TXLNB: variants seen among roughly 807,000 people sequenced by gnomAD.
TXLNB encodes the protein taxilin beta.
In TXLNB, 37 loss-of-function variants were observed where a neutral mutation model predicts 57.4. The ratio of observed to expected loss-of-function variants is 0.64; its 90% CI spans 0.50 to 0.85. The LOEUF is 0.85. TXLNB is among the 40% of genes least tolerant of loss of function. The pLI is 0.00. For synonymous variants in TXLNB, 302 were observed against 309.6 expected (o/e 0.98, Z 0.26); for missense variants, 848 against 825.6 (o/e 1.03, Z -0.33).
At chr6:139,306,206 A>G in the TXLNB span, among the ~76,000 whole-genome samples, 1 of 152,220 alleles carries the variant, frequency 6.6e-6, no homozygotes, top group African/African-American at 2.4e-5. Flanking sequence ...GGTTTCCATC[A>G]GTGTCTCCTT....
intron 3 of TXLNB, 117 bp downstream of exon 3, chr6:139,276,713 C>G (rs1289043807): frequency 1.3e-6 from 1 of 755,470 alleles, no homozygotes; most frequent in African/African-American, 1.8e-5. Flanking sequence ...GCGCACAGAC[C>G]TCAGATGTTG....
At chr6:139,201,689 G>A in the TXLNB span, 6 of 152,182 alleles carry the variant, frequency 3.9e-5, no homozygotes, top group Admixed American at 3.3e-4. Context: ...TTCCGCTGCT[G>A]TATCAGAGAT....
the TXLNB span, among the ~76,000 whole-genome samples, chr6:139,164,371 G>T: frequency 4.6e-5 from 7 of 152,158 alleles, no homozygotes; most frequent in South Asian, 1.5e-3. Context: ...ATGAACATTG[G>T]GGGTATCATG....
At position 139,260,320 on chromosome 6, in the gene TXLNB, A is replaced by G. The variant is rs905409047; in HGVS notation, c.1000T>C (p.Tyr334His). ...ACAACGACTAAAATGATAAATACAT[A>G]TTCCTTTTCTCGTTTGTGTCGCTCC... ...AEERHKREKE[Y>H]LLNQAAEWKL... Residue 334 changes from tyrosine (Y) to histidine (H), a missense_variant and splice_region_variant, in exon 6 of 10, where the codon TAT becomes CAT. Physicochemically the swap from Tyr to His is moderately conservative, Grantham distance 83 (BLOSUM62 2). Coordinates refer to ENST00000358430, the MANE Select transcript of TXLNB (RefSeq NM_153235.4). 1 of 1,614,136 alleles carries G rather than the reference A, an allele frequency of 6.2e-7. No individual in the cohort carries two copies. The highest frequency in any genetic ancestry group is 1.3e-5 in the African/African-American group (1 of 75,040).
the TXLNB span, among the ~76,000 whole-genome samples, chr6:139,163,905 A>G: frequency 6.6e-6 from 1 of 151,770 alleles, no homozygotes; most frequent in Admixed American, 6.6e-5. Context: ...AGCTCTCTTG[A>G]GCTCCAGTCA....
the TXLNB span, among the ~76,000 whole-genome samples, chr6:139,312,714 A>G: frequency 1.3e-5 from 2 of 152,170 alleles, no homozygotes; most frequent in African/African-American, 2.4e-5. Context: ...ATTATATAGC[A>G]TACGCAGGAG....
the TXLNB span, among the ~76,000 whole-genome samples, chr6:139,320,957 C>G: frequency 1.3e-5 from 2 of 152,196 alleles, no homozygotes; most frequent in Non-Finnish European, 2.9e-5. Context: ...AAGATGAAAG[C>G]CATGGGCTTG....
the TXLNB span, among the ~76,000 whole-genome samples, chr6:139,167,842 G>A: frequency 6.6e-6 from 1 of 152,192 alleles, no homozygotes; most frequent in African/African-American, 2.4e-5. Flanking sequence ...CCCGGTGGTG[G>A]TGGTGGAAGG....
the TXLNB span, among the ~76,000 whole-genome samples, chr6:139,184,769 A>G: frequency 3.3e-5 from 5 of 152,114 alleles, no homozygotes; most frequent in African/African-American, 4.8e-5. Context: ...TTAATTTTCA[A>G]TTTCTCACAA....
the TXLNB span, among the ~76,000 whole-genome samples, chr6:139,164,765 C>T: frequency 6.6e-6 from 1 of 152,080 alleles, no homozygotes; most frequent in African/African-American, 2.4e-5. Context: ...GTCATCCCAG[C>T]CTGTAAGCCA....
chr6:139,229,816 T>C, the TXLNB span, among the ~76,000 whole-genome samples: 1 of 152,244 alleles, frequency 6.6e-6, no homozygotes, highest in Non-Finnish European at 1.5e-5. Flanking sequence ...AAAAGCAGAC[T>C]GGCTTGTGGT....
chr6:139,208,513 C>A, the TXLNB span, among the ~76,000 whole-genome samples: 2 of 152,152 alleles, frequency 1.3e-5, no homozygotes, highest in Non-Finnish European at 1.5e-5. Context: ...AGACCAATAT[C>A]TGTGATGAAC....
At chr6:139,167,616 G>T in the TXLNB span, among the ~76,000 whole-genome samples, 1 of 152,298 alleles carries the variant, frequency 6.6e-6, no homozygotes, top group East Asian at 1.9e-4. Context: ...TAGTGGAGTT[G>T]TTGCATATTT....
the TXLNB span, among the ~76,000 whole-genome samples, chr6:139,233,203 T>C: frequency 6.6e-6 from 1 of 151,782 alleles, no homozygotes. Context: ...AAAAACACAT[T>C]CAAATAATTT....
At chr6:139,193,434 G>T in the TXLNB span, among the ~76,000 whole-genome samples, 3 of 151,730 alleles carry the variant, frequency 2.0e-5, no homozygotes, top group Non-Finnish European at 2.9e-5. Context: ...CTTGCTCATG[G>T]GTTTTCAGCT....
the TXLNB span, among the ~76,000 whole-genome samples, chr6:139,215,139 T>G: frequency 6.8e-6 from 1 of 147,462 alleles, no homozygotes; most frequent in African/African-American, 2.5e-5. Flanking sequence ...TTAAAGTTCA[T>G]ATGGAACCAA....
chr6:139,181,154 T>C, the TXLNB span, among the ~76,000 whole-genome samples: 2 of 152,248 alleles, frequency 1.3e-5, no homozygotes, highest in African/African-American at 4.8e-5. Flanking sequence ...CATAGCCACA[T>C]AGCCAAAACT....
chr6:139,193,894 T>G, the TXLNB span, among the ~76,000 whole-genome samples: 11 of 142,328 alleles, frequency 7.7e-5, no homozygotes, highest in Non-Finnish European at 1.7e-4. Context: ...CAGGCTGGAG[T>G]GCAGTGGCGC....
chr6:139,242,852 C>G lies in TXLNB; in HGVS notation c.1729G>C (p.Ala577Pro). ...CCCAACCCGGCAGGAGAATTACTGGCCTTGGAGGGAGGTTCAGCATCACTG... is the reference window on the plus strand; with the variant it reads ...CCCAACCCGGCAGGAGAATTACTGGGCTTGGAGGGAGGTTCAGCATCACTG... ...GGSDAEPPSK[A>P]SNSPAGLGAE... The change falls in exon 10 of 10, where the codon GCC becomes CCC. Residue 577 changes from alanine to proline, a missense_variant. Ala to Pro is a conservative substitution (Grantham distance 27, BLOSUM62 -1). Transcript: ENST00000358430. 6.2e-7 allele frequency: 1 copy of G among 1,614,088 alleles called. No individual in the cohort carries two copies. The highest frequency in any genetic ancestry group is 1.1e-5 in the South Asian group (1 of 91,070).
Sources: allele counts gnomAD v4.1 joint callset (sites outside exome capture counted in the v4.1 genomes callset), GRCh38; gene constraint gnomAD v4.1.1; transcripts MANE v1.5; gene names NCBI Gene and HGNC (gene_info 2026-07-23, HGNC 2026-07-21).